The following TNKS2 variants were observed in gnomAD, a reference collection of about 807,000 sequenced individuals.
TNKS2 encodes the protein tankyrase 2.
In TNKS2, 72 loss-of-function variants were observed where a neutral mutation model predicts 137.6. The observed-to-expected ratio is 0.52, with a 90% CI of 0.43 to 0.64. The LOEUF is 0.64. Among genes scored for constraint, TNKS2 ranks in the 30% least tolerant of loss-of-function variants. The probability of loss-of-function intolerance (pLI) is 0.00; values close to 1 mark genes in which losing one functional copy is unlikely to be tolerated. For synonymous variants in TNKS2, 516 were observed against 512.1 expected (o/e 1.01, Z -0.10); for missense variants, 1,049 against 1,410.2 (o/e 0.74, Z 4.10).
At position 91,855,603 on chromosome 10, in the gene TNKS2, T is replaced by G. The variant is rs962478059; in HGVS notation, c.2914-11T>G. 3.7e-6 allele frequency: 6 copies of G among 1,607,160 alleles called. No homozygotes were observed. The highest frequency in any genetic ancestry group is 5.1e-6 in the Non-Finnish European group (6 of 1,176,814). ...CTAATGCACATATATTTCAAACCATTTTTCTGACAGATGCAAAGTACAGTT... is the reference window on the plus strand; with the variant it reads ...CTAATGCACATATATTTCAAACCATGTTTCTGACAGATGCAAAGTACAGTT... On this transcript the variant is annotated splice_polypyrimidine_tract_variant and intron_variant, in intron 22 of 26. Transcript: ENST00000371627.
At position 91,819,549 on chromosome 10, in the gene TNKS2, G is replaced by A; in HGVS notation, c.625G>A (p.Gly209Ser). Residue 209 changes from glycine (G) to serine (S), a missense_variant, in exon 5 of 27, where the codon GGC becomes AGC. By Grantham distance (56) the Gly-to-Ser change is moderately conservative (BLOSUM62 0). Coordinates refer to ENST00000371627, the MANE Select transcript of TNKS2 (RefSeq NM_025235.4). ...PLNVNCHASD[G>S]RKSTPLHLAA... ...AAATGTCAACTGCCACGCAAGTGATGGCAGAAAGGTACTTCCTTTTGCAAC... is the reference window on the plus strand; with the variant it reads ...AAATGTCAACTGCCACGCAAGTGATAGCAGAAAGGTACTTCCTTTTGCAAC... The A allele has an allele frequency of 1.3e-6, 2 of 1,590,000 alleles. No individual in the cohort carries two copies. Among genetic ancestry groups the A allele is most frequent in the Non-Finnish European group, 1.7e-6 (2 of 1,173,244 alleles).
chr10:91,811,412 G>A lies in TNKS2; in HGVS notation c.200-1571G>A, dbSNP rs972163128. Among the ~76,000 whole-genome samples, 4 of 151,648 alleles carry A rather than the reference G, an allele frequency of 2.6e-5. 1 individual carries two copies. The highest frequency in any genetic ancestry group is 1.9e-4 in the East Asian group (1 of 5,164). On this transcript the variant is annotated intron_variant, in intron 1 of 26. Transcript: ENST00000371627. ...GAATTGCCTTAGGTAAGTCTTTTCC[G>A]TTCTCTGCTTTCCCCTAGTTTAGGA... is the stretch of plus-strand genomic sequence containing the variant.
intron 1 of TNKS2, among the ~76,000 whole-genome samples, chr10:91,811,906 A>G (rs1332362220): frequency 1.3e-5 from 2 of 152,142 alleles, no homozygotes; most frequent in Non-Finnish European, 2.9e-5. Context: ...AAAAAATACA[A>G]AAAATTAGCC....
chr10:91,864,150 C>T lies in TNKS2; in HGVS notation c.*1151C>T, dbSNP rs769717816. On this transcript the variant is annotated 3_prime_UTR_variant, in exon 27 of 27. Transcript: ENST00000371627. ...GTTGTCTCAGTCCCCTCCAGGCCTC[C>T]TGAATGGGCAAGTGCAGTGAAACAG... The T allele has an allele frequency of 3.9e-5, 6 of 152,572 alleles. No individual in the cohort carries two copies. Among genetic ancestry groups the T allele is most frequent in the Non-Finnish European group, 8.8e-5 (6 of 68,032 alleles). The allele number at this position is 152,572 out of a possible 1,614,324, so 9.5% of individuals were successfully genotyped here.
At chr10:91,834,825 A>G (rs1841946613) in intron 12 of TNKS2, among the ~76,000 whole-genome samples, 1 of 152,194 alleles carries the variant, frequency 6.6e-6, no homozygotes, top group Non-Finnish European at 1.5e-5. Flanking sequence ...GGATAATAAC[A>G]CTGGTCCTAT....
rs1286783277 is a variant in TNKS2 at position 91,798,527 on chromosome 10, G to C, written c.-164G>C. ...GCAGGGAGCCCAGCGAGGGGCGCGC[G>C]TGGGCGCGGCCATGGGACTGCGCCG... On this transcript the variant is annotated 5_prime_UTR_variant, in exon 1 of 27. Transcript: ENST00000371627. 1.2e-6 allele frequency: 1 copy of C among 815,322 alleles called. No homozygotes were observed. Among genetic ancestry groups the C allele is most frequent in the Admixed American group, 4.7e-5 (1 of 21,416 alleles). 50.5% of individuals were successfully genotyped at this position (815,322 alleles called of 1,614,324 possible).
intron 6 of TNKS2, 49 bp downstream of exon 6, chr10:91,820,082 TAAAAC>T (rs1160326138): frequency 3.3e-6 from 4 of 1,197,482 alleles, no homozygotes; most frequent in Non-Finnish European, 4.7e-6. Context: ...ACCCTCTTCT[TAAAAC>T]AATCTTTGTA....
intron 12 of TNKS2, among the ~76,000 whole-genome samples, chr10:91,835,061 A>G (rs1841956081): frequency 6.6e-6 from 1 of 152,174 alleles, no homozygotes. Flanking sequence ...TTCTGTCAGC[A>G]CTAGATGTTA....
At chr10:91,801,406 G>C (rs890986059) in intron 1 of TNKS2, among the ~76,000 whole-genome samples, 16 of 151,926 alleles carry the variant, frequency 1.1e-4, no homozygotes, top group African/African-American at 3.9e-4. Flanking sequence ...AAATGACTCT[G>C]TAAATTGTTT....
At chr10:91,830,853 T>A (rs1477426451) in intron 9 of TNKS2, 70 bp from the exon 10 acceptor site, 2 of 1,273,496 alleles carry the variant, frequency 1.6e-6, no homozygotes, top group East Asian at 5.1e-5. Context: ...TGTTCTTGAT[T>A]GGAAACACGA....
At chr10:91,827,394 GTATTA>G (rs1845102541) in intron 8 of TNKS2, among the ~76,000 whole-genome samples, 191 bp downstream of exon 8, 1 of 152,234 alleles carries the variant, frequency 6.6e-6, no homozygotes, top group East Asian at 1.9e-4. Flanking sequence ...AAATATGTTT[GTATTA>G]ATTTTTTCAA....
At chr10:91,821,693 A>G (rs1844896747) in intron 6 of TNKS2, among the ~76,000 whole-genome samples, 1 of 152,194 alleles carries the variant, frequency 6.6e-6, no homozygotes, top group Non-Finnish European at 1.5e-5. Flanking sequence ...GGATCTCAAA[A>G]AAGTTTTAAA....
At chr10:91,832,244 G>A (rs1245323091) in intron 11 of TNKS2, among the ~76,000 whole-genome samples, 1 of 152,010 alleles carries the variant, frequency 6.6e-6, no homozygotes, top group African/African-American at 2.4e-5. Flanking sequence ...TTTGTTGATT[G>A]CTGTTTTCAT....
chr10:91,840,666 C>T lies in TNKS2; in HGVS notation c.1633C>T (p.Leu545=). The change falls in exon 14 of 27, where the codon CTG becomes TTG. Residue 545 remains leucine (L), a synonymous_variant. Coordinates refer to ENST00000371627, the MANE Select transcript of TNKS2 (RefSeq NM_025235.4). ...GYNRVSVVEY[L]LQHGADVHAK... ...TAACAGAGTGTCCGTGGTGGAATAT[C>T]TGCTACAGCATGGAGCTGATGTGCA... 1.2e-6 allele frequency: 2 copies of T among 1,614,118 alleles called. No homozygotes were observed. The highest frequency in any genetic ancestry group is 2.2e-5 in the South Asian group (2 of 91,082).
In TNKS2 at chr10:91,863,343, A is replaced by G. The variant is rs114508333; in HGVS notation, c.*344A>G. On this transcript the variant is annotated 3_prime_UTR_variant, in exon 27 of 27. Transcript: ENST00000371627. Reference sequence around the variant, plus strand: ...CAACAGAACTAATTTTACTAATACAATACTGTGTTCTTTAAAACACAGCAT... The same window carrying G: ...CAACAGAACTAATTTTACTAATACAGTACTGTGTTCTTTAAAACACAGCAT... 2.7e-3 allele frequency: 470 copies of G among 175,064 alleles called. 7 individuals are homozygous for G. Among genetic ancestry groups the G allele is most frequent in the African/African-American group, 0.011 (451 of 42,372 alleles). 10.8% of individuals were successfully genotyped at this position (175,064 alleles called of 1,614,324 possible).
At chr10:91,807,223 T>C in intron 1 of TNKS2, 1 of 1,606,750 alleles carries the variant, frequency 6.2e-7, no homozygotes. Flanking sequence ...TTGGCTACCA[T>C]AAGTCGCATT....
intron 1 of TNKS2, 45 bp from the exon 2 acceptor site, chr10:91,812,938 C>A: frequency 1.3e-6 from 2 of 1,599,732 alleles, no homozygotes; most frequent in Non-Finnish European, 8.5e-7. Flanking sequence ...AATTTGATAT[C>A]TTTTCCTTGT....
At chr10:91,857,094 A>G (rs1842727981) in intron 23 of TNKS2, among the ~76,000 whole-genome samples, 1 of 152,238 alleles carries the variant, frequency 6.6e-6, no homozygotes, top group South Asian at 2.1e-4. Flanking sequence ...CTAGTACTTT[A>G]TACAGAAAAA....
chr10:91,856,523 T>A (rs1842709164), intron 23 of TNKS2, among the ~76,000 whole-genome samples: 1 of 152,218 alleles, frequency 6.6e-6, no homozygotes, highest in Non-Finnish European at 1.5e-5. Context: ...CTACAAGCAT[T>A]AACAAAATGT....
Sources: gnomAD v4.1 joint callset for allele counts (sites outside exome capture counted in the v4.1 genomes callset) on GRCh38, gnomAD v4.1.1 for gene constraint, MANE v1.5 for transcripts, NCBI Gene and HGNC (gene_info 2026-07-23, HGNC 2026-07-21) for gene names.